The following RAD51B variants were observed in gnomAD, a reference collection of about 807,000 sequenced individuals.
RAD51B encodes RAD51 paralog B.
RAD51B carries 38 observed loss-of-function variants against 42.2 expected under a neutral mutation model. The observed-to-expected ratio is 0.90, with a 90% CI of 0.70 to 1.18. RAD51B has a LOEUF of 1.18. Ranked by LOEUF, RAD51B falls within the 50% of genes most tolerant of loss-of-function variation. The probability of loss-of-function intolerance (pLI) is 0.00; values close to 1 mark genes in which losing one functional copy is unlikely to be tolerated. For synonymous variants in RAD51B, 154 were observed against 145.2 expected (o/e 1.06, Z -0.43); for missense variants, 373 against 400.7 (o/e 0.93, Z 0.59).
intron 8 of RAD51B, among the ~76,000 whole-genome samples, chr14:68,397,505 G>A (rs921475118): frequency 1.3e-5 from 2 of 152,198 alleles, no homozygotes; most frequent in Non-Finnish European, 2.9e-5. Context: ...GGAAGTTAAA[G>A]CAAGGTCATC....
chr14:68,675,917 A>G (rs1893293561), intron 11 of RAD51B, among the ~76,000 whole-genome samples: 1 of 152,136 alleles, frequency 6.6e-6, no homozygotes, highest in South Asian at 2.1e-4. Context: ...TGAGCCTTGG[A>G]GTGCTTATGG....
chr14:67,857,365 C>T (rs955549748), intron 4 of RAD51B, among the ~76,000 whole-genome samples: 5 of 152,148 alleles, frequency 3.3e-5, no homozygotes, highest in Non-Finnish European at 7.4e-5. Flanking sequence ...TACTGTTATT[C>T]ACATGATGTT....
intron 5 of RAD51B, among the ~76,000 whole-genome samples, chr14:67,877,414 T>C (rs1289272332): frequency 1.3e-5 from 2 of 152,160 alleles, no homozygotes; most frequent in Non-Finnish European, 2.9e-5. Flanking sequence ...TTGGAAAAAA[T>C]GATTGACTCC....
chr14:68,472,898 A>C (rs2086161275), intron 10 of RAD51B, among the ~76,000 whole-genome samples: 1 of 152,254 alleles, frequency 6.6e-6, no homozygotes, highest in South Asian at 2.1e-4. Context: ...TTTTGCAATC[A>C]AGAACAGTTT....
At chr14:68,651,457 G>A (rs1014590387) in intron 11 of RAD51B, among the ~76,000 whole-genome samples, 5 of 152,188 alleles carry the variant, frequency 3.3e-5, no homozygotes, top group Admixed American at 3.3e-4. Context: ...GAGCCAGCAT[G>A]CCCGGCCACA....
rs554038489 is a variant in RAD51B at position 68,645,354 on chromosome 14, T to C, written c.1037-5427T>C. Among the ~76,000 whole-genome samples, 7 of 152,336 alleles carry C rather than the reference T, an allele frequency of 4.6e-5. No homozygotes were observed. The South Asian group carries it at 1.0e-3, about 23-fold the overall frequency. On this transcript the variant is annotated intron_variant, in intron 10 of 11. Transcript: ENST00000488612. ...CCTTCATTTTTAAGGGTGGATAATA[T>C]TCTGTTGTGTGTATATACCACATTA...
At chr14:67,822,008 A>T (rs563999905) in intron 1 of RAD51B, among the ~76,000 whole-genome samples, 31 of 151,548 alleles carry the variant, frequency 2.0e-4, no homozygotes, top group South Asian at 4.2e-4. Context: ...TGTGTGTGTG[A>T]GAGAGAGAGA....
intron 7 of RAD51B, 80 bp downstream of exon 7, chr14:67,887,284 A>C: frequency 2.5e-6 from 3 of 1,224,408 alleles, no homozygotes; most frequent in Non-Finnish European, 3.4e-6. Context: ...TATGGTATCA[A>C]ATAATAAAAT....
intron 7 of RAD51B, among the ~76,000 whole-genome samples, chr14:67,971,561 T>C (rs541631379): frequency 3.9e-5 from 6 of 152,202 alleles, no homozygotes; most frequent in African/African-American, 1.4e-4. Flanking sequence ...GACAGTTTAA[T>C]AGTATTTTAG....
intron 7 of RAD51B, among the ~76,000 whole-genome samples, chr14:68,060,975 C>A (rs2076557412): frequency 6.9e-6 from 1 of 145,862 alleles, no homozygotes; most frequent in Admixed American, 6.8e-5. Flanking sequence ...TTGGTTACTA[C>A]AACTATATTT....
chr14:68,036,557 G>A (rs1431904018), intron 7 of RAD51B, among the ~76,000 whole-genome samples: 1 of 152,026 alleles, frequency 6.6e-6, no homozygotes, highest in Non-Finnish European at 1.5e-5. Flanking sequence ...TTATTTCCTG[G>A]GAATTAACTT....
rs542537244 is a variant in RAD51B, at chr14:68,636,070, T to C, written c.1037-14711T>C. ...GAGGCCTCCAGCCGTGAGTGCTTTT[T>C]TCCATGGACTGTTTAAAAGTGAAGC... On this transcript the variant is annotated intron_variant, in intron 10 of 11. Coordinates refer to the RAD51B transcript ENST00000488612. Among the ~76,000 whole-genome samples the C allele has an allele frequency of 2.6e-5, 4 of 152,374 alleles. No homozygotes were observed. In the East Asian group the frequency reaches 5.8e-4, roughly 22 times the overall value.
In RAD51B at chr14:67,865,139, G is replaced by T. The variant is rs1462467827; in HGVS notation, c.452G>T (p.Arg151Ile). ...IDTESAFSAE[R>I]LVEIAESRFP... is the part of the protein sequence containing the mutation. The stretch of plus-strand genomic sequence containing the variant: ...ACAGAGTCTGCATTTAGTGCTGAAA[G>T]GTATGAGATTTTATTTTCTATTATA... The change falls in exon 5 of 11, where the codon AGA becomes ATA. Residue 151 changes from arginine to isoleucine, a missense_variant and splice_region_variant. Arg to Ile is a moderately conservative substitution (Grantham distance 97). Coordinates refer to ENST00000471583, the MANE Select transcript of RAD51B (RefSeq NM_133510.4). 6.3e-7 allele frequency: 1 copy of T among 1,587,622 alleles called. No homozygotes were observed. Among genetic ancestry groups the T allele is most frequent in the African/African-American group, 1.4e-5 (1 of 73,496 alleles).
At chr14:67,823,704 A>C in intron 2 of RAD51B, 77 bp downstream of exon 2, 5 of 1,085,966 alleles carry the variant, frequency 4.6e-6, no homozygotes, top group Non-Finnish European at 6.6e-6. Flanking sequence ...CTTAAACTTG[A>C]AATATGAAAA....
At chr14:68,595,399 T>C (rs903217254) in exon 11 of RAD51B, 1 of 1,066,530 alleles carries the variant, frequency 9.4e-7, no homozygotes, top group Non-Finnish European at 1.1e-6. Flanking sequence ...AATGCATCCA[T>C]GAACAAATGA....
intron 10 of RAD51B, among the ~76,000 whole-genome samples, chr14:68,491,740 C>G (rs1381447531): frequency 2.0e-5 from 3 of 152,196 alleles, no homozygotes; most frequent in Non-Finnish European, 4.4e-5. Flanking sequence ...AAATAATCTG[C>G]CTAATCTTCA....
intron 10 of RAD51B, among the ~76,000 whole-genome samples, chr14:68,642,165 T>C (rs1892475583): frequency 6.6e-6 from 1 of 152,220 alleles, no homozygotes; most frequent in African/African-American, 2.4e-5. Context: ...CTGAAAGAGA[T>C]TATAGCAAAT....
At chr14:68,072,892 G>C (rs1234799498) in intron 7 of RAD51B, among the ~76,000 whole-genome samples, 1 of 152,186 alleles carries the variant, frequency 6.6e-6, no homozygotes, top group African/African-American at 2.4e-5. Flanking sequence ...TGTGGTCTGA[G>C]AATGTGGTTG....
At chr14:68,214,544 T>TA (rs771195067) in intron 7 of RAD51B, among the ~76,000 whole-genome samples, 3 of 152,090 alleles carry the variant, frequency 2.0e-5, no homozygotes, top group Non-Finnish European at 4.4e-5. Context: ...CACGCATAAA[T>TA]AAAAAAACTC....
Sources: allele counts gnomAD v4.1 joint callset (sites outside exome capture counted in the v4.1 genomes callset), GRCh38; gene constraint gnomAD v4.1.1; transcripts MANE v1.5; gene names NCBI Gene and HGNC (gene_info 2026-07-23, HGNC 2026-07-21).